Variants in CACNA1B observed in about 807,000 individuals in gnomAD.
The protein encoded by CACNA1B is voltage-dependent N-type calcium channel subunit alpha-1B.
Under a neutral mutation model 247.2 loss-of-function variants are expected in CACNA1B, and 70 were observed. The ratio of observed to expected loss-of-function variants is 0.28; its 90% confidence interval spans 0.23 to 0.35. CACNA1B has a LOEUF of 0.35. Ranked by LOEUF, CACNA1B falls within the 10% of genes least tolerant of loss-of-function variation. The pLI, the probability that CACNA1B is intolerant of heterozygous loss-of-function variation, is 1.00. For missense variants in CACNA1B, 2,367 were observed against 3,197.4 expected, an observed-to-expected ratio of 0.74 and a Z score of 6.26; for synonymous variants, 1,231 against 1,294.4, an observed-to-expected ratio of 0.95 and a Z score of 1.05.
At position 138,046,946 on chromosome 9, in the gene CACNA1B, C is replaced by T. The variant is rs887527956; in HGVS notation, c.3456C>T (p.Phe1152=). ...ACTACATCGTGACCATGAGGTACTT[C>T]GAGGTGGTCATTCTCGTGGTCATCG... ...FCHYIVTMRY[F]EVVILVVIAL... is the part of the protein sequence containing the mutation. Residue 1152 remains phenylalanine (F), a synonymous_variant, in exon 22 of 47, where the codon TTC becomes TTT. Transcript: ENST00000371372. 10 of 1,613,438 alleles carry T rather than the reference C, an allele frequency of 6.2e-6. No individual in the cohort carries two copies. The highest frequency in any genetic ancestry group is 3.3e-5 in the Admixed American group (2 of 60,010).
chr9:138,085,227 G>T (rs1960657392), intron 36 of CACNA1B, among the ~76,000 whole-genome samples: 1 of 150,458 alleles, frequency 6.6e-6, no homozygotes, highest in Admixed American at 6.6e-5. Context: ...TTGAATGAAT[G>T]AAATTAAAAA....
intron 6 of CACNA1B, among the ~76,000 whole-genome samples, chr9:137,945,350 A>G (rs1246472367): frequency 6.6e-6 from 1 of 152,206 alleles, no homozygotes; most frequent in Non-Finnish European, 1.5e-5. Flanking sequence ...CCCAGATTTT[A>G]CCTGGGGTGG....
chr9:138,000,243 C>T (rs911843169), intron 15 of CACNA1B, among the ~76,000 whole-genome samples: 26 of 151,430 alleles, frequency 1.7e-4, no homozygotes, highest in Non-Finnish European at 2.5e-4. Flanking sequence ...GGACTACAGG[C>T]GCCCGCCACT....
Position 137,963,931 on chromosome 9 carries a change from C to T in CACNA1B, c.1333+6244C>T, listed in dbSNP as rs147112405. On this transcript the variant is annotated intron_variant, in intron 10 of 46. Transcript: ENST00000371372. ...CAGCATTTGCTTGCCTGAAAAGGATCTTATTTCTCCTTCACTTATGAAGCT... is the reference window on the plus strand; with the variant it reads ...CAGCATTTGCTTGCCTGAAAAGGATTTTATTTCTCCTTCACTTATGAAGCT... 5.7e-3 allele frequency among the ~76,000 whole-genome samples: 864 copies of T among 152,258 alleles called. 5 individuals are homozygous for T. The highest frequency in any genetic ancestry group is 0.012 in the Admixed American group (183 of 15,290).
rs571091149 is a variant in CACNA1B, at chr9:138,087,597, C to T, written c.5095-8887C>T. On this transcript the variant is annotated intron_variant, in intron 36 of 46. Coordinates refer to ENST00000371372, the MANE Select transcript of CACNA1B (RefSeq NM_000718.4). The stretch of plus-strand genomic sequence containing the variant: ...GTGTGTGGTAGCACGCGCCTGTAGT[C>T]CCAGCTACTTGGGAGGCGGAGGCAG... Among the ~76,000 whole-genome samples, 9 of 150,006 alleles carry T rather than the reference C, an allele frequency of 6.0e-5. No individual in the cohort carries two copies. The South Asian group carries it at 1.9e-3, about 32-fold the overall frequency.
intron 42 of CACNA1B, 66 bp from the exon 43 acceptor site, chr9:138,117,880 C>T: frequency 7.5e-7 from 1 of 1,339,496 alleles, no homozygotes; most frequent in South Asian, 1.6e-5. Flanking sequence ...GTTGAAGCAC[C>T]AGGCTATTGG....
Position 138,058,478 on chromosome 9 carries a change from G to A in CACNA1B, c.4309-91G>A. On this transcript the variant is annotated intron_variant, in intron 28 of 46. Coordinates refer to ENST00000371372, the MANE Select transcript of CACNA1B (RefSeq NM_000718.4). This position sits in a 1 kb window ranked among gnomAD's most constrained non-coding sequence, Gnocchi z 4.7. ...TTGTCTTCTGTTGTCAGGGCTCCCTGTGAGGCCTGGCGAGACAGGGCTGGG... is the reference window on the plus strand; with the variant it reads ...TTGTCTTCTGTTGTCAGGGCTCCCTATGAGGCCTGGCGAGACAGGGCTGGG... 8.1e-7 allele frequency: 1 copy of A among 1,240,080 alleles called. No individual in the cohort carries two copies. The highest frequency in any genetic ancestry group is 1.1e-6 in the Non-Finnish European group (1 of 885,406). The allele number at this position is 1,240,080 out of a possible 1,614,324, so 76.8% of individuals were successfully genotyped here.
chr9:137,926,982 G>T (rs1253848562), intron 6 of CACNA1B, among the ~76,000 whole-genome samples: 2 of 151,972 alleles, frequency 1.3e-5, no homozygotes, highest in Non-Finnish European at 2.9e-5. Flanking sequence ...TTCTATGTGT[G>T]CCCTTTTTAC....
intron 15 of CACNA1B, among the ~76,000 whole-genome samples, chr9:137,988,990 G>C (rs1958400554): frequency 1.3e-5 from 2 of 152,230 alleles, no homozygotes; most frequent in African/African-American, 4.8e-5. Context: ...TGAGGAGGAA[G>C]AAAGCAGCTT....
At position 137,917,840 on chromosome 9, in the gene CACNA1B, T is replaced by G. The variant is rs1033632927; in HGVS notation, c.966+409T>G. Among the ~76,000 whole-genome samples, 1 of 152,212 alleles carries G rather than the reference T, an allele frequency of 6.6e-6. No individual in the cohort carries two copies. Among genetic ancestry groups the G allele is most frequent in the Non-Finnish European group, 1.5e-5 (1 of 68,038 alleles). On this transcript the variant is annotated intron_variant, in intron 6 of 46. Coordinates refer to ENST00000371372, the MANE Select transcript of CACNA1B (RefSeq NM_000718.4). This position sits in a 1 kb window ranked among gnomAD's most constrained non-coding sequence, Gnocchi z 5.5. ...TCCTCTCAGGAACCTGTTGCACAGATGATGAGGCTGACTTGTGGAGAAGCT... is the reference window on the plus strand; with the variant it reads ...TCCTCTCAGGAACCTGTTGCACAGAGGATGAGGCTGACTTGTGGAGAAGCT...
intron 6 of CACNA1B, among the ~76,000 whole-genome samples, chr9:137,924,933 A>G (rs567439703): frequency 6.6e-6 from 1 of 152,344 alleles, no homozygotes; most frequent in South Asian, 2.1e-4. Context: ...ATTACTTGGC[A>G]GGCAGCCAGT....
In CACNA1B at chr9:138,023,187, G is replaced by C; in HGVS notation, c.2444G>C (p.Arg815Pro). 1 of 1,520,790 alleles carries C rather than the reference G, an allele frequency of 6.6e-7. No individual in the cohort carries two copies. The allele number at this position is 1,520,790 out of a possible 1,614,324, so 94.2% of individuals were successfully genotyped here. A position where few individuals can be genotyped will look rare whatever the true frequency, so the allele number is the denominator to read the frequency against. ...LRPDMKTHLD[R>P]PLVVELGRDG... ...CCCGACATGAAGACGCACCTGGACC[G>C]GCCGCTGGTGGTGGAGCTGGGCCGC... Residue 815 changes from arginine (R) to proline (P), a missense_variant, in exon 19 of 47, where the codon CGG becomes CCG. Arg to Pro is a moderately radical substitution (Grantham distance 103, BLOSUM62 -2). Transcript: ENST00000371372.
rs562804107 is a variant in CACNA1B at position 138,100,934 on chromosome 9, C to T, written c.5223-1777C>T. Among the ~76,000 whole-genome samples, 93 of 151,836 alleles carry T rather than the reference C, an allele frequency of 6.1e-4. 1 individual carries two copies. Among genetic ancestry groups the T allele is most frequent in the Admixed American group, 4.3e-3 (65 of 15,250 alleles). On this transcript the variant is annotated intron_variant, in intron 37 of 46. Transcript: ENST00000371372. The surrounding 1 kb of genome is among the most constrained non-coding windows in gnomAD (Gnocchi z 4.6). ...ATTTCGCTGGGGTTGCCACACCTCC[C>T]GGGGAGCTCCAAGCCCCAGTACCCC...
In CACNA1B at chr9:137,922,052, G is replaced by T. The variant is rs567929028; in HGVS notation, c.966+4621G>T. ...ATTCGGAGAACATGATCAGCACCAC[G>T]ACCGCACAGCATCCTGGGAGCAGAG... On this transcript the variant is annotated intron_variant, in intron 6 of 46. Transcript: ENST00000371372. Among the ~76,000 whole-genome samples, 458 of 143,866 alleles carry T rather than the reference G, an allele frequency of 3.2e-3. 1 individual carries two copies. Among genetic ancestry groups the T allele is most frequent in the African/African-American group, 0.012 (440 of 38,050 alleles). 94.4% of individuals were successfully genotyped at this position (143,866 alleles called of 152,430 possible). A position where few individuals can be genotyped will look rare whatever the true frequency, so the allele number is the denominator to read the frequency against.
intron 37 of CACNA1B, among the ~76,000 whole-genome samples, chr9:138,101,842 G>C (rs1961261962): frequency 6.6e-6 from 1 of 152,226 alleles, no homozygotes; most frequent in African/African-American, 2.4e-5. Flanking sequence ...TGTGTCTCTA[G>C]GACCCCAAGC....
Position 137,880,027 on chromosome 9 carries a change from G to A in CACNA1B, c.390+868G>A, listed in dbSNP as rs753946071. 2.6e-5 allele frequency among the ~76,000 whole-genome samples: 4 copies of A among 152,178 alleles called. No individual in the cohort carries two copies. The highest frequency in any genetic ancestry group is 2.4e-5 in the African/African-American group (1 of 41,432). On this transcript the variant is annotated intron_variant, in intron 2 of 46. Transcript: ENST00000371372. This position sits in a 1 kb window ranked among gnomAD's most constrained non-coding sequence, Gnocchi z 4.8. The stretch of plus-strand genomic sequence containing the variant: ...GCGGGGCCAGAGGCGTCCAGGAGAC[G>A]GCCTCTCTGGGGTGTCAGGAGCTGC...
In CACNA1B at chr9:138,121,358, C is replaced by T. The variant is rs931189822; in HGVS notation, c.6490-111C>T. 2 of 816,224 alleles carry T rather than the reference C, an allele frequency of 2.5e-6. No individual in the cohort carries two copies. Among genetic ancestry groups the T allele is most frequent in the Non-Finnish European group, 3.7e-6 (2 of 539,472 alleles). The allele number at this position is 816,224 out of a possible 1,614,324, so 50.6% of individuals were successfully genotyped here. A position where few individuals can be genotyped will look rare whatever the true frequency, so the allele number is the denominator to read the frequency against. Reference sequence around the variant, plus strand: ...GCAGCCCGTTGTCCCCCATTGCCTCCCTCTCTCCTCCCATCCCCCCAGGCA... The same window carrying T: ...GCAGCCCGTTGTCCCCCATTGCCTCTCTCTCTCCTCCCATCCCCCCAGGCA... On this transcript the variant is annotated intron_variant, in intron 46 of 46. Transcript: ENST00000371372. The surrounding 1 kb of genome is among the most constrained non-coding windows in gnomAD (Gnocchi z 6.8).
intron 3 of CACNA1B, among the ~76,000 whole-genome samples, chr9:137,906,258 G>A (rs938623204): frequency 2.6e-5 from 4 of 152,206 alleles, no homozygotes; most frequent in Admixed American, 2.6e-4. Context: ...TCTTTGGCTT[G>A]CCAGGGTGAC....
chr9:137,955,687 C>G lies in CACNA1B; in HGVS notation c.1071-11C>G. The G allele has an allele frequency of 6.3e-7, 1 of 1,598,956 alleles. No individual in the cohort carries two copies. The highest frequency in any genetic ancestry group is 8.6e-7 in the Non-Finnish European group (1 of 1,168,860). On this transcript the variant is annotated splice_polypyrimidine_tract_variant and intron_variant, in intron 7 of 46. Transcript: ENST00000371372. The surrounding 1 kb of genome is among the most constrained non-coding windows in gnomAD (Gnocchi z 6.9). ...TCACCTGATCTTGCTTTTCCGGCCC[C>G]TGCATGGTAGGGAGTTTGCCAAGGA... is the stretch of plus-strand genomic sequence containing the variant.
Sources: allele counts gnomAD v4.1 joint callset (sites outside exome capture counted in the v4.1 genomes callset), GRCh38; gene constraint gnomAD v4.1.1; non-coding constraint Gnocchi (gnomAD v3.1); transcripts MANE v1.5; gene names NCBI Gene and HGNC (gene_info 2026-07-23, HGNC 2026-07-21).